PIBF1: variants seen among roughly 807,000 people sequenced by gnomAD.
PIBF1 encodes the protein progesterone-induced-blocking factor 1.
In PIBF1, 90 loss-of-function variants were observed where a neutral mutation model predicts 112.5. The observed-to-expected ratio is 0.80, with a 90% CI of 0.67 to 0.95. PIBF1 has a LOEUF of 0.95. Among genes scored for constraint, PIBF1 ranks in the 40% least tolerant of loss-of-function variants. The probability of loss-of-function intolerance (pLI) is 0.00; values close to 1 mark genes in which losing one functional copy is unlikely to be tolerated. For synonymous variants in PIBF1, 301 were observed against 288.6 expected (o/e 1.04, Z -0.44); for missense variants, 915 against 852.3 (o/e 1.07, Z -0.92).
intron 16 of PIBF1, among the ~76,000 whole-genome samples, chr13:72,974,887 A>G (rs933122877): frequency 6.6e-6 from 1 of 152,158 alleles, no homozygotes; most frequent in Non-Finnish European, 1.5e-5. Flanking sequence ...AATTTTCCAA[A>G]GTTACTATAC....
chr13:73,011,547 C>G (rs1343521991), intron 17 of PIBF1, among the ~76,000 whole-genome samples: 1 of 152,152 alleles, frequency 6.6e-6, no homozygotes, highest in African/African-American at 2.4e-5. Context: ...CAAAGCCTAA[C>G]TGACCTGGGA....
intron 14 of PIBF1, among the ~76,000 whole-genome samples, chr13:72,941,011 C>T (rs2041995577): frequency 6.6e-6 from 1 of 152,186 alleles, no homozygotes; most frequent in African/African-American, 2.4e-5. Context: ...CTGTAACCAC[C>T]TTGGTTATTA....
At chr13:72,973,811 C>T in intron 16 of PIBF1, 136 bp downstream of exon 16, 1 of 556,988 alleles carries the variant, frequency 1.8e-6, no homozygotes, top group African/African-American at 2.0e-5. Flanking sequence ...TAATTTTGTC[C>T]TTTTTTATTC....
At chr13:72,950,103 T>TTTTG (rs1388472037) in intron 14 of PIBF1, among the ~76,000 whole-genome samples, 1 of 152,208 alleles carries the variant, frequency 6.6e-6, no homozygotes, top group Non-Finnish European at 1.5e-5. Flanking sequence ...ATCCCCATAT[T>TTTTG]TTTGTCCTGT....
intron 12 of PIBF1, among the ~76,000 whole-genome samples, chr13:72,915,752 C>G (rs2041069166): frequency 6.6e-6 from 1 of 152,128 alleles, no homozygotes; most frequent in South Asian, 2.1e-4. Context: ...CCTCAGAAAG[C>G]TAATCCTGAT....
chr13:73,000,535 T>C (rs1594348526), intron 17 of PIBF1, among the ~76,000 whole-genome samples: 2 of 152,118 alleles, frequency 1.3e-5, no homozygotes, highest in Admixed American at 1.3e-4. Flanking sequence ...GCTCAGAGAG[T>C]GGGCAGAGAT....
At chr13:72,800,256 G>C (rs1194598118) in intron 5 of PIBF1, among the ~76,000 whole-genome samples, 1 of 152,186 alleles carries the variant, frequency 6.6e-6, no homozygotes, top group African/African-American at 2.4e-5. Context: ...GACTGGTCTG[G>C]AACTCCTGGC....
chr13:72,893,424 C>G (rs1271712067), intron 10 of PIBF1, among the ~76,000 whole-genome samples: 1 of 151,962 alleles, frequency 6.6e-6, no homozygotes, highest in Non-Finnish European at 1.5e-5. Flanking sequence ...GATGAAATAG[C>G]AAGCTGGGAA....
chr13:72,968,167 G>C (rs1265334922), intron 15 of PIBF1, among the ~76,000 whole-genome samples: 1 of 151,846 alleles, frequency 6.6e-6, no homozygotes, highest in Non-Finnish European at 1.5e-5. Flanking sequence ...CTGGGCGACA[G>C]AGCCAGACTC....
At chr13:72,819,874 T>C (rs2030548752) in intron 5 of PIBF1, among the ~76,000 whole-genome samples, 1 of 152,126 alleles carries the variant, frequency 6.6e-6, no homozygotes, top group Non-Finnish European at 1.5e-5. Flanking sequence ...TCTTCCACTG[T>C]TTTTCCTGAC....
chr13:72,786,537 A>C (rs1354971525), intron 2 of PIBF1, among the ~76,000 whole-genome samples: 1 of 152,118 alleles, frequency 6.6e-6, no homozygotes, highest in South Asian at 2.1e-4. Context: ...GTATACATCT[A>C]GTCCTTTGCT....
chr13:72,839,196 T>C (rs1311754871), intron 9 of PIBF1, among the ~76,000 whole-genome samples: 2 of 152,134 alleles, frequency 1.3e-5, no homozygotes, highest in Non-Finnish European at 2.9e-5. Flanking sequence ...GAGGTGATAA[T>C]GGAACTGGAT....
At chr13:72,863,336 A>G (rs1317016964) in intron 10 of PIBF1, among the ~76,000 whole-genome samples, 1 of 152,210 alleles carries the variant, frequency 6.6e-6, no homozygotes, top group Non-Finnish European at 1.5e-5. Flanking sequence ...GGATTAAAAA[A>G]TAAAATTTTT....
rs2040787541 is a variant in PIBF1, at chr13:72,908,663, A to ATAATGCAAACTGCAGAAAGTAAGTCTTC, written c.1622_1639+10dup. 1 of 1,612,940 alleles carries ATAATGCAAACTGCAGAAAGTAAGTCTTC rather than the reference A, an allele frequency of 6.2e-7. No individual in the cohort carries two copies. The highest frequency in any genetic ancestry group is 1.1e-5 in the South Asian group (1 of 90,922). On this transcript the variant is annotated frameshift_variant, in exon 12 of 18. Transcript: ENST00000326291. LOFTEE classifies it high-confidence loss of function. ...ACTGGAAAAAGAGCTTGATGAAATAATAATGCAAACTGCAGAAAGTAAGTC... is the reference window on the plus strand; with the variant it reads ...ACTGGAAAAAGAGCTTGATGAAATAATAATGCAAACTGCAGAAAGTAAGTCTTCTAATGCAAACTGCAGAAAGTAAGTC...
At chr13:72,787,784 G>A (rs781421389) in intron 2 of PIBF1, among the ~76,000 whole-genome samples, 1 of 152,012 alleles carries the variant, frequency 6.6e-6, no homozygotes, top group Admixed American at 6.6e-5. Flanking sequence ...TCAGCCTCCC[G>A]AGTAGCTGGG....
chr13:72,900,736 A>G (rs1167542380), intron 11 of PIBF1, among the ~76,000 whole-genome samples: 2 of 152,142 alleles, frequency 1.3e-5, no homozygotes, highest in African/African-American at 4.8e-5. Flanking sequence ...AATAAAAACA[A>G]AGCTGGCCAG....
intron 11 of PIBF1, among the ~76,000 whole-genome samples, chr13:72,906,729 T>C (rs1033402250): frequency 1.3e-5 from 2 of 152,186 alleles, no homozygotes; most frequent in African/African-American, 4.8e-5. Flanking sequence ...TAAAATAATA[T>C]CTTATAAAAT....
chr13:72,874,288 A>C (rs1038847037), intron 10 of PIBF1, among the ~76,000 whole-genome samples: 6 of 152,194 alleles, frequency 3.9e-5, no homozygotes, highest in African/African-American at 1.4e-4. Flanking sequence ...TATACATATA[A>C]AGACTTCTGT....
intron 17 of PIBF1, among the ~76,000 whole-genome samples, chr13:73,014,679 A>G (rs1235993736): frequency 3.3e-5 from 5 of 151,920 alleles, no homozygotes; most frequent in Non-Finnish European, 7.4e-5. Flanking sequence ...AGTATATGGG[A>G]TATCTCTGTA....
Sources: gnomAD v4.1 joint callset for allele counts (sites outside exome capture counted in the v4.1 genomes callset) on GRCh38, gnomAD v4.1.1 for gene constraint, MANE v1.5 for transcripts, NCBI Gene and HGNC (gene_info 2026-07-23, HGNC 2026-07-21) for gene names.